ZMYND12: variants seen among roughly 807,000 people sequenced by gnomAD.
ZMYND12 encodes the protein zinc finger MYND-type containing 12, also known as zinc finger MYND domain-containing protein 12.
Under a neutral mutation model 41.7 loss-of-function variants are expected in ZMYND12, and 32 were observed. The ratio of observed to expected loss-of-function variants is 0.77; its 90% CI spans 0.58 to 1.03. The LOEUF (loss-of-function observed/expected upper bound fraction) is 1.03, where lower values mean the gene tolerates loss of function less well. Ranked by LOEUF, ZMYND12 falls within the 50% of genes least tolerant of loss-of-function variation. The pLI, the probability that ZMYND12 is intolerant of heterozygous loss-of-function variation, is 0.00. For synonymous variants in ZMYND12, 148 were observed against 164.8 expected, an observed-to-expected ratio of 0.90 and a Z score of 0.78; for missense variants, 424 against 438.5, an observed-to-expected ratio of 0.97 and a Z score of 0.30.
chr1:42,430,963 C>T (rs574554438), intron 7 of ZMYND12, 105 bp from the exon 8 acceptor site: 2 of 1,447,066 alleles, frequency 1.4e-6, no homozygotes, highest in Non-Finnish European at 1.9e-6. Context: ...AACTGACCAC[C>T]TTTTCACACC....
chr1:42,441,643 C>T (rs1007691547), intron 3 of ZMYND12, among the ~76,000 whole-genome samples: 3 of 141,366 alleles, frequency 2.1e-5, no homozygotes, highest in Admixed American at 7.0e-5. Flanking sequence ...TTTTTTGAGA[C>T]GGAGTCTTGC....
chr1:42,435,562 T>C (rs1032895404), intron 5 of ZMYND12, 177 bp from the exon 6 acceptor site: 2 of 541,268 alleles, frequency 3.7e-6, no homozygotes, highest in Admixed American at 3.1e-5. Context: ...CCAAGGTAAG[T>C]GTGACAAGTG....
rs1642839124 is a variant in ZMYND12, at chr1:42,430,718, T to C, written c.*18A>G. The C allele has an allele frequency of 1.9e-6, 3 of 1,613,368 alleles. No homozygotes were observed. The highest frequency in any genetic ancestry group is 1.3e-5 in the African/African-American group (1 of 74,944). On this transcript the variant is annotated 3_prime_UTR_variant, in exon 8 of 8. Transcript: ENST00000372565. ...CAGTAGCCCCTGGAATAACCCTTGA[T>C]GCAGAGCTCATGGGTCACTAAGTAA...
rs146537043 is a variant in ZMYND12 at position 42,441,501 on chromosome 1, A to G, written c.425-1476T>C. ...TTAAATCATCTCTAAATTACTTATA[A>G]TACCTAATACAAAGTAAATGCTATG... is the stretch of plus-strand genomic sequence containing the variant. On this transcript the variant is annotated intron_variant, in intron 3 of 7. Transcript: ENST00000372565. Among the ~76,000 whole-genome samples, 807 of 152,320 alleles carry G rather than the reference A, an allele frequency of 5.3e-3. 5 individuals carry two copies. Among genetic ancestry groups the G allele is most frequent in the African/African-American group, 0.018 (756 of 41,572 alleles).
intron 3 of ZMYND12, among the ~76,000 whole-genome samples, chr1:42,443,897 G>A (rs970516895): frequency 6.6e-6 from 1 of 152,116 alleles, no homozygotes; most frequent in East Asian, 1.9e-4. Context: ...TGAGTGCTGT[G>A]AAGGAAATGA....
rs150238048 is a variant in ZMYND12, at chr1:42,435,802, C to A, written c.718-417G>T. On this transcript the variant is annotated intron_variant, in intron 5 of 7. Coordinates refer to ENST00000372565, the MANE Select transcript of ZMYND12 (RefSeq NM_032257.5). ...TAAGTGGCATAGCCAGAATTTAAACCCTGGTCTATCTGATTCTAAAGCTTT... is the reference window on the plus strand; with the variant it reads ...TAAGTGGCATAGCCAGAATTTAAACACTGGTCTATCTGATTCTAAAGCTTT... 3.3e-3 allele frequency among the ~76,000 whole-genome samples: 495 copies of A among 152,244 alleles called. 1 individual carries two copies. The highest frequency in any genetic ancestry group is 0.01 in the Middle Eastern group (3 of 294).
chr1:42,436,549 G>A lies in ZMYND12; in HGVS notation c.595-6C>T. The A allele has an allele frequency of 6.2e-7, 1 of 1,612,378 alleles. No individual in the cohort carries two copies. The highest frequency in any genetic ancestry group is 8.5e-7 in the Non-Finnish European group (1 of 1,178,722). On this transcript the variant is annotated splice_region_variant and splice_polypyrimidine_tract_variant and intron_variant, in intron 4 of 7. Coordinates refer to ENST00000372565, the MANE Select transcript of ZMYND12 (RefSeq NM_032257.5). The stretch of plus-strand genomic sequence containing the variant: ...GCACAACTGGCAAAATAAATCTATA[G>A]CAGAAGGAAGAAGGAGAGTGCTTGA...
At chr1:42,447,908 G>C (rs1288922786) in intron 3 of ZMYND12, among the ~76,000 whole-genome samples, 4 of 152,058 alleles carry the variant, frequency 2.6e-5, no homozygotes, top group Non-Finnish European at 5.9e-5. Context: ...TGATCCCAGG[G>C]AATAAAGGTG....
intron 1 of ZMYND12, 107 bp from the exon 2 acceptor site, chr1:42,450,166 ACAAAC>A: frequency 7.4e-7 from 1 of 1,348,800 alleles, no homozygotes; most frequent in African/African-American, 1.5e-5. Context: ...TAAGCCAAAT[ACAAAC>A]CAGGCAGGGA....
chr1:42,440,048 G>A (rs1484610685), intron 3 of ZMYND12, 23 bp from the exon 4 acceptor site: 2 of 1,575,530 alleles, frequency 1.3e-6, no homozygotes, highest in Admixed American at 2.0e-5. Context: ...AGAAAAGAAG[G>A]TTATAATTCA....
intron 4 of ZMYND12, among the ~76,000 whole-genome samples, chr1:42,437,716 C>T (rs1642923224): frequency 2.0e-5 from 3 of 151,352 alleles, no homozygotes; most frequent in African/African-American, 7.3e-5. Context: ...GAGTCTCACT[C>T]TGTCGCCCAG....
At chr1:42,433,671 T>A (rs1642877864) in intron 6 of ZMYND12, among the ~76,000 whole-genome samples, 1 of 152,180 alleles carries the variant, frequency 6.6e-6, no homozygotes, top group African/African-American at 2.4e-5. Context: ...CAGATTCCAC[T>A]CTACAGCTGA....
intron 3 of ZMYND12, among the ~76,000 whole-genome samples, chr1:42,444,694 C>T (rs892483250): frequency 1.3e-5 from 2 of 152,072 alleles, no homozygotes; most frequent in Non-Finnish European, 2.9e-5. Flanking sequence ...AGACACAGAT[C>T]CAGTTCTCCC....
chr1:42,448,650 A>G lies in ZMYND12; in HGVS notation c.253-12T>C. The G allele has an allele frequency of 6.2e-7, 1 of 1,602,874 alleles. No individual in the cohort carries two copies. Among genetic ancestry groups the G allele is most frequent in the South Asian group, 1.1e-5 (1 of 88,990 alleles). On this transcript the variant is annotated splice_polypyrimidine_tract_variant and intron_variant, in intron 2 of 7. Coordinates refer to ENST00000372565, the MANE Select transcript of ZMYND12 (RefSeq NM_032257.5). ...TCAATCAAATACTTCTGTGGAAGAG[A>G]GAAACAGACTATCTGAGACAGTCTA...
chr1:42,435,373 A>C lies in ZMYND12; in HGVS notation c.730T>G (p.Trp244Gly). 2 of 1,612,852 alleles carry C rather than the reference A, an allele frequency of 1.2e-6. No homozygotes were observed. Among genetic ancestry groups the C allele is most frequent in the Non-Finnish European group, 1.7e-6 (2 of 1,178,906 alleles). The change falls in exon 6 of 8, where the codon TGG becomes GGG. Residue 244 changes from tryptophan (W) to glycine (G), a missense_variant. Trp to Gly is a radical substitution (Grantham distance 184). Transcript: ENST00000372565. ...TAGTGATTGTTCAAATATGCATGCC[A>C]GATCTCAGAGACCTGTTGGGAAAAG... ...DTLYTKVSEI[W>G]HAYLNNHYQV...
At position 42,435,452 on chromosome 1, in the gene ZMYND12, G is replaced by A; in HGVS notation, c.718-67C>T. On this transcript the variant is annotated intron_variant, in intron 5 of 7. Transcript: ENST00000372565. Reference sequence around the variant, plus strand: ...CTCAGCCGTCGGACCAGGCAGGTGAGGAGAGTAGCGCATTTGGCCGGGCTT... The same window carrying A: ...CTCAGCCGTCGGACCAGGCAGGTGAAGAGAGTAGCGCATTTGGCCGGGCTT... The A allele has an allele frequency of 2.4e-6, 3 of 1,230,646 alleles. No individual in the cohort carries two copies. The South Asian group carries it at 3.7e-5, about 15-fold the overall frequency. 76.2% of individuals were successfully genotyped at this position (1,230,646 alleles called of 1,614,324 possible).
intron 3 of ZMYND12, among the ~76,000 whole-genome samples, chr1:42,441,047 AC>A (rs1642962429): frequency 6.6e-6 from 1 of 152,156 alleles, no homozygotes; most frequent in South Asian, 2.1e-4. Flanking sequence ...CATATTTAAT[AC>A]CCTTTCTGTG....
chr1:42,452,674 G>A (rs898100805), intron 1 of ZMYND12, among the ~76,000 whole-genome samples: 1 of 152,154 alleles, frequency 6.6e-6, no homozygotes, highest in Non-Finnish European at 1.5e-5. Flanking sequence ...CTGCGCTCCA[G>A]CCTGGGTGAC....
chr1:42,452,718 A>G (rs189715249), intron 1 of ZMYND12, among the ~76,000 whole-genome samples: 75 of 152,232 alleles, frequency 4.9e-4, no homozygotes, highest in African/African-American at 1.6e-3. Context: ...AATAATAAAA[A>G]AATAAAAGTT....
Sources: gnomAD v4.1 joint callset for allele counts (sites outside exome capture counted in the v4.1 genomes callset) on GRCh38, gnomAD v4.1.1 for gene constraint, MANE v1.5 for transcripts, NCBI Gene and HGNC (gene_info 2026-07-23, HGNC 2026-07-21) for gene names.